Variants in PHEX observed in about 807,000 individuals in gnomAD.
PHEX encodes phosphate regulating endopeptidase X-linked.
In PHEX, 16 loss-of-function variants were observed where a neutral mutation model predicts 68.0. That is an observed-to-expected ratio of 0.24 (90% CI 0.16 to 0.36). The LOEUF (loss-of-function observed/expected upper bound fraction) is 0.36, where lower values mean the gene tolerates loss of function less well. PHEX is among the 10% of genes least tolerant of loss of function. The pLI, the probability that PHEX is intolerant of heterozygous loss-of-function variation, is 1.00. For synonymous variants in PHEX, 208 were observed against 205.1 expected (o/e 1.01, Z -0.12); for missense variants, 480 against 575.5 (o/e 0.83, Z 1.70).
At chrX:22,237,574 C>A (rs779900157) in intron 20 of PHEX, among the ~76,000 whole-genome samples, 3 of 111,890 alleles carry the variant, frequency 2.7e-5, no homozygotes, top group African/African-American at 9.8e-5. Flanking sequence ...ACACCCCTGC[C>A]AGATAAATCT....
chrX:22,040,074 A>T (rs1927204732), intron 2 of PHEX, among the ~76,000 whole-genome samples: 2 of 111,435 alleles, frequency 1.8e-5, no homozygotes, highest in Admixed American at 9.5e-5. Flanking sequence ...CAGCTATTAG[A>T]TTTCCCTCCT....
Position 22,144,980 on chromosome X carries a change from C to A in PHEX, c.1404+11356C>A, listed in dbSNP as rs747700258. ...CATGTTGTTCTGTCTCTTACATTTT[C>A]TGTAATTGGTTCTATCTAGAGGTTT... On this transcript the variant is annotated intron_variant, in intron 12 of 21. Transcript: ENST00000379374. 2.3e-4 allele frequency among the ~76,000 whole-genome samples: 26 copies of A among 111,668 alleles called. No individual in the cohort carries two copies. The South Asian group carries it at 7.5e-3, about 32-fold the overall frequency.
chrX:22,239,505 G>T (rs187045795), intron 20 of PHEX, among the ~76,000 whole-genome samples: 4 of 110,830 alleles, frequency 3.6e-5, no homozygotes, highest in Admixed American at 1.9e-4. Context: ...ACAGGTTAGA[G>T]GAACTGCTAA....
At chrX:22,048,494 A>G (rs192505863) in intron 3 of PHEX, among the ~76,000 whole-genome samples, 107 of 111,099 alleles carry the variant, frequency 9.6e-4, no homozygotes, top group African/African-American at 2.3e-3. Flanking sequence ...ACACACACAC[A>G]CGCGCGCACA....
intron 3 of PHEX, among the ~76,000 whole-genome samples, chrX:22,056,763 AAAT>A (rs59624310): frequency 0.11 from 10,203 of 93,176 alleles, 581 homozygotes; most frequent in East Asian, 0.27. Context: ...CTCTGTCTCA[AAAT>A]AATAATAATA....
intron 15 of PHEX, among the ~76,000 whole-genome samples, 174 bp from the exon 16 acceptor site, chrX:22,212,730 T>A (rs565019363): frequency 1.8e-5 from 2 of 112,135 alleles, no homozygotes; most frequent in South Asian, 7.5e-4. Flanking sequence ...ACTTACTTAT[T>A]TCAAACTCAG....
chrX:22,041,206 TTAG>T (rs1927256910), intron 2 of PHEX, among the ~76,000 whole-genome samples: 1 of 104,825 alleles, frequency 9.5e-6, no homozygotes, highest in South Asian at 4.4e-4. Flanking sequence ...GATAATTATG[TTAG>T]TAGAGTTCTT....
At chrX:22,232,147 TTTTC>T (rs1203749666) in intron 20 of PHEX, among the ~76,000 whole-genome samples, 1 of 111,637 alleles carries the variant, frequency 9.0e-6, no homozygotes, top group Non-Finnish European at 1.9e-5. Flanking sequence ...TTTGTTATGA[TTTTC>T]TTTCTTTCTT....
chrX:22,083,307 C>T (rs1929478107), intron 5 of PHEX, among the ~76,000 whole-genome samples: 1 of 112,113 alleles, frequency 8.9e-6, no homozygotes, highest in African/African-American at 3.2e-5. Context: ...ATGTGATTCT[C>T]CAGCTTTGTT....
Position 22,082,720 on chromosome X carries a change from C to T in PHEX, c.663+5018C>T, listed in dbSNP as rs143005871. 8.4e-3 allele frequency among the ~76,000 whole-genome samples: 937 copies of T among 111,821 alleles called. 7 individuals are homozygous for T. Among genetic ancestry groups the T allele is most frequent in the African/African-American group, 0.029 (890 of 30,807 alleles). The stretch of plus-strand genomic sequence containing the variant: ...AGAAGCTCTTTGGTTTAATTAAGTC[C>T]CGTTTGTCATTTTTTGTTTTTGTTG... On this transcript the variant is annotated intron_variant, in intron 5 of 21. Coordinates refer to ENST00000379374, the MANE Select transcript of PHEX (RefSeq NM_000444.6).
chrX:22,168,411 C>CT (rs745323840), intron 13 of PHEX, 22 bp downstream of exon 13: 8,866 of 894,003 alleles, frequency 9.9e-3, no homozygotes, highest in Non-Finnish European at 0.012. Context: ...ATTTACTGTA[C>CT]TTTTTTTTTT....
At chrX:22,044,452 C>G (rs763199144) in intron 2 of PHEX, among the ~76,000 whole-genome samples, 3 of 111,673 alleles carry the variant, frequency 2.7e-5, no homozygotes, top group Non-Finnish European at 5.6e-5. Context: ...TGGCTCACGC[C>G]TGTAATCCCA....
rs138586879 is a variant in PHEX, at chrX:22,195,684, G to A, written c.1645+5182G>A. On this transcript the variant is annotated intron_variant, in intron 15 of 21. Coordinates refer to ENST00000379374, the MANE Select transcript of PHEX (RefSeq NM_000444.6). ...AAATGCTGAGTAAAAGAAGCCAGGT[G>A]TAAGACTAAATACTGTTCTGTTTCA... is the stretch of plus-strand genomic sequence containing the variant. 7.6e-3 allele frequency among the ~76,000 whole-genome samples: 846 copies of A among 111,562 alleles called. 5 individuals carry two copies. Among genetic ancestry groups the A allele is most frequent in the African/African-American group, 0.026 (803 of 30,676 alleles).
At chrX:22,225,909 G>C (rs963384716) in intron 18 of PHEX, among the ~76,000 whole-genome samples, 3 of 111,962 alleles carry the variant, frequency 2.7e-5, no homozygotes, top group Middle Eastern at 4.6e-3. Context: ...CCTCGACCTT[G>C]TGATCTGCAC....
chrX:22,175,808 T>C (rs1933677918), intron 13 of PHEX, among the ~76,000 whole-genome samples: 2 of 111,656 alleles, frequency 1.8e-5, no homozygotes, highest in East Asian at 2.8e-4. Context: ...TTTTAAAAAG[T>C]TAATATTTTT....
At chrX:22,079,517 C>T (rs1162572671) in intron 5 of PHEX, among the ~76,000 whole-genome samples, 2 of 110,814 alleles carry the variant, frequency 1.8e-5, no homozygotes, top group African/African-American at 6.6e-5. Context: ...ATTATCACAA[C>T]CAAAAAGATA....
intron 15 of PHEX, among the ~76,000 whole-genome samples, chrX:22,206,493 A>C (rs931550427): frequency 8.9e-6 from 1 of 111,796 alleles, no homozygotes; most frequent in African/African-American, 3.3e-5. Flanking sequence ...GAAAGACAGA[A>C]AACGCATACA....
At chrX:22,062,121 C>T (rs7878806) in intron 3 of PHEX, among the ~76,000 whole-genome samples, 3,691 of 111,311 alleles carry the variant, frequency 0.033, 56 homozygotes, top group African/African-American at 0.05. Flanking sequence ...CCTCCCATGA[C>T]GTTCTTCCCT....
intron 12 of PHEX, among the ~76,000 whole-genome samples, chrX:22,159,684 A>G (rs1384146623): frequency 2.7e-5 from 3 of 112,529 alleles, no homozygotes; most frequent in Non-Finnish European, 3.7e-5. Context: ...TTTCTCAGGT[A>G]CAATCACAGA....
Sources: allele counts gnomAD v4.1 joint callset (sites outside exome capture counted in the v4.1 genomes callset), GRCh38; gene constraint gnomAD v4.1.1; transcripts MANE v1.5; gene names NCBI Gene and HGNC (gene_info 2026-07-23, HGNC 2026-07-21).